The following SYNRG variants were observed in gnomAD, a reference collection of about 807,000 sequenced individuals.
SYNRG encodes synergin gamma, also known as AP1 gamma subunit binding protein 1.
In SYNRG, 37 loss-of-function variants were observed where a neutral mutation model predicts 130.9. The ratio of observed to expected loss-of-function variants is 0.28; its 90% CI spans 0.22 to 0.37. SYNRG has a LOEUF of 0.37. Among genes scored for constraint, SYNRG ranks in the 10% least tolerant of loss-of-function variants. The pLI, the probability that SYNRG is intolerant of heterozygous loss-of-function variation, is 1.00. For missense variants in SYNRG, 1,338 were observed against 1,588.9 expected, an observed-to-expected ratio of 0.84 and a Z score of 2.68; for synonymous variants, 539 against 568.1, an observed-to-expected ratio of 0.95 and a Z score of 0.73.
chr17:37,529,601 C>CTA (rs1048572737), intron 19 of SYNRG, among the ~76,000 whole-genome samples: 2 of 150,838 alleles, frequency 1.3e-5, no homozygotes, highest in African/African-American at 4.9e-5. Context: ...GAAGGTGCAG[C>CTA]TGTAGCAAGC....
At chr17:37,599,615 G>C (rs1017322608) in intron 2 of SYNRG, among the ~76,000 whole-genome samples, 16 of 152,270 alleles carry the variant, frequency 1.1e-4, no homozygotes, top group South Asian at 2.1e-4. Flanking sequence ...CAGCTACCTG[G>C]GAAGCTGAGG....
In SYNRG at chr17:37,577,695, C is replaced by CTTTT. The variant is rs34008016; in HGVS notation, c.590-86_590-83dup. On this transcript the variant is annotated intron_variant, in intron 6 of 21. Coordinates refer to ENST00000612223, the MANE Select transcript of SYNRG (RefSeq NM_007247.6). ...AACCATCCATCTCCACCCCCATATT[C>CTTTT]TTTTTTTTTTTTTTTTTTTTTGAGA... 1.8e-3 allele frequency: 1,025 copies of CTTTT among 584,426 alleles called. 30 individuals carry two copies. The African/African-American group carries it at 0.024, about 14-fold the overall frequency. 36.2% of individuals were successfully genotyped at this position (584,426 alleles called of 1,614,324 possible).
chr17:37,583,575 G>A (rs2061487598), intron 6 of SYNRG, among the ~76,000 whole-genome samples: 1 of 152,158 alleles, frequency 6.6e-6, no homozygotes, highest in African/African-American at 2.4e-5. Context: ...ATTTATCAAT[G>A]CAACATTTTC....
chr17:37,575,692 A>G (rs996774374), intron 8 of SYNRG, among the ~76,000 whole-genome samples: 1 of 151,988 alleles, frequency 6.6e-6, no homozygotes. Flanking sequence ...AAATACAAAA[A>G]TTAGCTGGGT....
At chr17:37,539,039 T>C (rs1034686) in intron 17 of SYNRG, 153 bp downstream of exon 17, 1 of 985,010 alleles carries the variant, frequency 1.0e-6, no homozygotes, top group Non-Finnish European at 1.2e-6. Context: ...AGCCTCACCT[T>C]AGATGCATGA....
chr17:37,575,173 A>G (rs1458832942), intron 8 of SYNRG, among the ~76,000 whole-genome samples: 1 of 151,976 alleles, frequency 6.6e-6, no homozygotes, highest in Non-Finnish European at 1.5e-5. Flanking sequence ...GTGGGGGGGA[A>G]TAATGGGGAT....
intron 1 of SYNRG, among the ~76,000 whole-genome samples, chr17:37,602,291 C>T (rs920824285): frequency 6.6e-5 from 10 of 150,714 alleles, no homozygotes; most frequent in East Asian, 2.0e-4. Context: ...GAGCCAAGAT[C>T]GCGCCATTGC....
Position 37,553,703 on chromosome 17 carries a change from T to C in SYNRG, c.2020A>G (p.Ser674Gly). The C allele has an allele frequency of 6.2e-7, 1 of 1,613,734 alleles. No individual in the cohort carries two copies. The highest frequency in any genetic ancestry group is 8.5e-7 in the Non-Finnish European group (1 of 1,179,942). Residue 674 changes from serine (S) to glycine (G), a missense_variant, in exon 14 of 22, where the codon AGC becomes GGC. Transcript: ENST00000612223. ...AGACCAGAATATTCCCCAAAAAGGC[T>C]GAATTCTCCAAAATCATCAGCCAAA... is the stretch of plus-strand genomic sequence containing the variant. ...SSLADDFGEF[S>G]LFGEYSGLAP...
chr17:37,520,151 G>C (rs371411519), intron 21 of SYNRG, 28 bp downstream of exon 21: 1 of 1,613,760 alleles, frequency 6.2e-7, no homozygotes, highest in Non-Finnish European at 8.5e-7. Flanking sequence ...AAATGGAGAC[G>C]CTAAGATAAG....
At chr17:37,543,322 TA>T (rs149531902) in intron 14 of SYNRG, among the ~76,000 whole-genome samples, 1 of 150,876 alleles carries the variant, frequency 6.6e-6, no homozygotes, top group Non-Finnish European at 1.5e-5. Flanking sequence ...CCCCATTTTT[TA>T]AAAAAAAAGG....
intron 18 of SYNRG, chr17:37,536,344 C>T: frequency 1.8e-6 from 1 of 561,662 alleles, no homozygotes; most frequent in South Asian, 2.8e-5. Context: ...CAAACCCCAG[C>T]TATGCCTCTT....
At chr17:37,537,319 G>A (rs995074644) in intron 18 of SYNRG, 1 of 152,322 alleles carries the variant, frequency 6.6e-6, no homozygotes, top group African/African-American at 2.4e-5. Context: ...TTCTAGTGAA[G>A]GGAGACAGAG....
chr17:37,542,206 T>C lies in SYNRG; in HGVS notation c.2968A>G (p.Lys990Glu), dbSNP rs779985760. 6.2e-7 allele frequency: 1 copy of C among 1,614,198 alleles called. No homozygotes were observed. The highest frequency in any genetic ancestry group is 1.1e-5 in the South Asian group (1 of 91,080). The change falls in exon 15 of 22, where the codon AAA becomes GAA. Residue 990 changes from lysine (K) to glutamate (E), a missense_variant. This residue lies in a region of SYNRG where 1,146 missense variants were observed against 1,342.3 expected (regional missense o/e 0.85). Coordinates refer to ENST00000612223, the MANE Select transcript of SYNRG (RefSeq NM_007247.6). ...YENRDYKDFT[K>E]QDLPTAERSQ... ...CGTTCAGCCGTAGGCAGGTCCTGTT[T>C]TGTGAAATCTTTATAGTCTCTGTTT... is the stretch of plus-strand genomic sequence containing the variant.
At position 37,553,484 on chromosome 17, in the gene SYNRG, C is replaced by T; in HGVS notation, c.2239G>A (p.Val747Ile). The T allele has an allele frequency of 6.2e-7, 1 of 1,614,186 alleles. No individual in the cohort carries two copies. Among genetic ancestry groups the T allele is most frequent in the Non-Finnish European group, 8.5e-7 (1 of 1,180,030 alleles). The part of the protein sequence containing the change: ...NSTAASTKYD[V>I]FRQLSLEGSG... ...CCTTCCAGAGAAAGTTGTCTGAAGA[C>T]ATCGTACTTGGTAGACGCAGCAGTC... The change falls in exon 14 of 22, where the codon GTC (valine) becomes ATC (isoleucine). Residue 747 changes from valine to isoleucine, a missense_variant. Coordinates refer to ENST00000612223, the MANE Select transcript of SYNRG (RefSeq NM_007247.6).
chr17:37,577,912 C>G (rs1161536460), intron 6 of SYNRG, among the ~76,000 whole-genome samples: 1 of 151,240 alleles, frequency 6.6e-6, no homozygotes, highest in African/African-American at 2.4e-5. Flanking sequence ...GTTAGACAGG[C>G]TGGTCTCGAA....
chr17:37,593,272 A>G (rs978137898), intron 3 of SYNRG, among the ~76,000 whole-genome samples: 3 of 151,976 alleles, frequency 2.0e-5, no homozygotes, highest in Non-Finnish European at 4.4e-5. Flanking sequence ...AATGAGCCAG[A>G]TGTGGTGGCA....
In SYNRG at chr17:37,577,516, G is replaced by T; in HGVS notation, c.687C>A (p.Ala229=). The stretch of plus-strand genomic sequence containing the variant: ...ACTTCTTACTGGAACCTGGGCCTAG[G>T]GCTTTGTGGCCAACTTCAGAAGTAT... The part of the protein sequence containing the change: ...KLNTSEVGHK[A]LGPGSSKKYP... Residue 229 remains alanine, a synonymous_variant, in exon 7 of 22, where the codon GCC becomes GCA. Coordinates refer to ENST00000612223, the MANE Select transcript of SYNRG (RefSeq NM_007247.6). The T allele has an allele frequency of 3.1e-6, 5 of 1,614,010 alleles. No homozygotes were observed. The highest frequency in any genetic ancestry group is 3.4e-6 in the Non-Finnish European group (4 of 1,180,024).
chr17:37,580,510 T>TGTGTGAGAGAGAGA (rs1384344164), intron 6 of SYNRG, among the ~76,000 whole-genome samples: 14 of 127,660 alleles, frequency 1.1e-4, no homozygotes, highest in Non-Finnish European at 2.2e-4. Context: ...TGTGTGTGTG[T>TGTGTGAGAGAGAGA]GAGAGAGAGA....
chr17:37,528,881 G>A (rs1021569125), intron 19 of SYNRG, among the ~76,000 whole-genome samples: 1 of 152,228 alleles, frequency 6.6e-6, no homozygotes, highest in Non-Finnish European at 1.5e-5. Context: ...CAATGACATG[G>A]TATAATCTGG....
Sources: allele counts gnomAD v4.1 joint callset (sites outside exome capture counted in the v4.1 genomes callset), GRCh38; gene constraint gnomAD v4.1.1; regional missense constraint gnomAD v4.1.1; transcripts MANE v1.5; gene names NCBI Gene and HGNC (gene_info 2026-07-23, HGNC 2026-07-21).